Variants in THSD7B observed in about 807,000 individuals in gnomAD.
The protein encoded by THSD7B is thrombospondin type-1 domain-containing protein 7B.
A neutral mutation model predicts 213.6 loss-of-function variants in THSD7B; 138 were observed. The observed-to-expected ratio is 0.65, with a 90% CI of 0.56 to 0.74. The LOEUF (loss-of-function observed/expected upper bound fraction) is 0.74, where lower values mean the gene tolerates loss of function less well. Ranked by LOEUF, THSD7B falls within the 30% of genes least tolerant of loss-of-function variation. THSD7B has a pLI of 0.00. For missense variants in THSD7B, 1,931 were observed against 1,991.5 expected (o/e 0.97, Z 0.58); for synonymous variants, 742 against 687.0 (o/e 1.08, Z -1.25).
chr2:137,412,660 A>C (rs1686691943), intron 14 of THSD7B, among the ~76,000 whole-genome samples: 1 of 151,240 alleles, frequency 6.6e-6, no homozygotes. Flanking sequence ...AGTATACCCA[A>C]GTTAATAGAA....
At chr2:136,920,625 A>G (rs1000096010) in intron 2 of THSD7B, among the ~76,000 whole-genome samples, 5 of 152,144 alleles carry the variant, frequency 3.3e-5, no homozygotes. Flanking sequence ...CTGGCCCCCA[A>G]ACCTCAAGCC....
chr2:137,116,219 A>T (rs1395365734), intron 5 of THSD7B, among the ~76,000 whole-genome samples: 5 of 152,198 alleles, frequency 3.3e-5, no homozygotes, highest in Non-Finnish European at 5.9e-5. Context: ...ACCTGATGGG[A>T]TGGTTCTTAC....
chr2:137,252,994 A>C (rs996733233), intron 10 of THSD7B, among the ~76,000 whole-genome samples: 1 of 151,324 alleles, frequency 6.6e-6, no homozygotes, highest in Non-Finnish European at 1.5e-5. Flanking sequence ...AATATAGAAA[A>C]GGAAAATGAA....
In THSD7B at chr2:137,093,247, C is replaced by G. The variant is rs79922866; in HGVS notation, c.951-1626C>G. 4.0e-3 allele frequency among the ~76,000 whole-genome samples: 567 copies of G among 140,600 alleles called. 1 individual carries two copies. The highest frequency in any genetic ancestry group is 0.01 in the South Asian group (47 of 4,552). The allele number at this position is 140,600 out of a possible 152,430, so 92.2% of individuals were successfully genotyped here. A position where few individuals can be genotyped will look rare whatever the true frequency, so the allele number is the denominator to read the frequency against. ...CCTTCCAGAGCAGCTTTCGAAGAAC[C>G]CTTGTACCTTGTATCTACGTTCCTC... On this transcript the variant is annotated intron_variant, in intron 3 of 27. Transcript: ENST00000409968.
At chr2:137,212,476 G>T (rs1217320674) in intron 7 of THSD7B, among the ~76,000 whole-genome samples, 1 of 151,990 alleles carries the variant, frequency 6.6e-6, no homozygotes, top group East Asian at 1.9e-4. Context: ...GAAGATTTTT[G>T]TCAAACTGGG....
intron 12 of THSD7B, among the ~76,000 whole-genome samples, chr2:137,287,816 T>G (rs1683220934): frequency 6.6e-6 from 1 of 152,106 alleles, no homozygotes. Context: ...AATGCAGTCA[T>G]TTGTAAAACT....
chr2:137,170,999 A>T (rs1455711599), intron 7 of THSD7B, 61 bp downstream of exon 7: 1 of 1,521,180 alleles, frequency 6.6e-7, no homozygotes, highest in Non-Finnish European at 9.0e-7. Context: ...ATAACACATG[A>T]CCACCCTTCA....
chr2:137,301,075 T>C (rs1683589470), intron 12 of THSD7B, among the ~76,000 whole-genome samples: 1 of 152,140 alleles, frequency 6.6e-6, no homozygotes. Flanking sequence ...TTTATTGTAA[T>C]CCATAAAGCA....
chr2:136,912,766 A>G (rs1684286339), intron 2 of THSD7B, among the ~76,000 whole-genome samples: 1 of 152,172 alleles, frequency 6.6e-6, no homozygotes, highest in Admixed American at 6.5e-5. Flanking sequence ...CCATGTAAGA[A>G]GTACCTTTCA....
intron 17 of THSD7B, among the ~76,000 whole-genome samples, 166 bp downstream of exon 17, chr2:137,572,722 T>A (rs1330280498): frequency 1.3e-5 from 2 of 152,182 alleles, no homozygotes; most frequent in Non-Finnish European, 2.9e-5. Context: ...AAAAAAAGTC[T>A]GCAAGCAAGA....
At chr2:137,643,369 T>A (rs904089907) in intron 21 of THSD7B, among the ~76,000 whole-genome samples, 2 of 152,220 alleles carry the variant, frequency 1.3e-5, no homozygotes, top group African/African-American at 2.4e-5. Context: ...TTAAGAAATC[T>A]GCAGAGTATT....
rs1235744133 is a variant in THSD7B at position 137,575,742 on chromosome 2, A to ATATATATATATATATATATTTTTTTT, written c.3423+3187_3423+3188insATATATATATATATATATTTTTTTTT. 7.5e-5 allele frequency among the ~76,000 whole-genome samples: 11 copies of ATATATATATATATATATATTTTTTTT among 147,418 alleles called. No homozygotes were observed. The South Asian group carries it at 1.4e-3, about 18-fold the overall frequency. On this transcript the variant is annotated intron_variant, in intron 17 of 27. Transcript: ENST00000409968. The stretch of plus-strand genomic sequence containing the variant: ...ATAACACACATATATATATATATAT[A>ATATATATATATATATATATTTTTTTT]TTTTTACTTTAACATGCTTACTTTT...
chr2:136,773,587 C>T (rs183049750), intron 1 of THSD7B, among the ~76,000 whole-genome samples: 5 of 152,160 alleles, frequency 3.3e-5, no homozygotes, highest in African/African-American at 1.2e-4. Flanking sequence ...CGCTGTATTA[C>T]ATCTTTAAAA....
intron 12 of THSD7B, among the ~76,000 whole-genome samples, chr2:137,360,373 G>A (rs1009197039): frequency 6.6e-6 from 1 of 152,142 alleles, no homozygotes; most frequent in Admixed American, 6.5e-5. Context: ...GTCAGACAGG[G>A]TGCACCCTAC....
chr2:137,193,048 C>T (rs1455916130), intron 7 of THSD7B, among the ~76,000 whole-genome samples: 1 of 152,002 alleles, frequency 6.6e-6, no homozygotes, highest in African/African-American at 2.4e-5. Context: ...ACTGTGGAAA[C>T]AGTTCAGCAT....
At position 137,411,605 on chromosome 2, in the gene THSD7B, A is replaced by G; in HGVS notation, c.2696-4A>G. On this transcript the variant is annotated splice_region_variant and splice_polypyrimidine_tract_variant and intron_variant, in intron 13 of 27. Transcript: ENST00000409968. ...TAATATCTTAATGTCTCTTGTTGGA[A>G]CAGGGAAAAGCAGAAAGAAGGAGAA... is the stretch of plus-strand genomic sequence containing the variant. 1.2e-6 allele frequency: 2 copies of G among 1,607,958 alleles called. No individual in the cohort carries two copies. Among genetic ancestry groups the G allele is most frequent in the Non-Finnish European group, 1.7e-6 (2 of 1,175,934 alleles).
chr2:137,383,501 G>A (rs1685825213), intron 12 of THSD7B, among the ~76,000 whole-genome samples: 1 of 152,188 alleles, frequency 6.6e-6, no homozygotes. Flanking sequence ...GAAAATGGAT[G>A]TGCTGCAGTC....
chr2:137,020,516 A>G (rs1375899520), intron 2 of THSD7B, among the ~76,000 whole-genome samples: 9 of 152,168 alleles, frequency 5.9e-5, no homozygotes, highest in Non-Finnish European at 1.0e-4. Context: ...ACGCATGTAC[A>G]TAGCACAGCA....
intron 2 of THSD7B, chr2:136,906,308 A>G (rs541182838): frequency 6.6e-6 from 1 of 152,302 alleles, no homozygotes; most frequent in South Asian, 2.1e-4. Flanking sequence ...CTAAAAAGAT[A>G]AAGTATATTT....
Sources: gnomAD v4.1 joint callset for allele counts (sites outside exome capture counted in the v4.1 genomes callset) on GRCh38, gnomAD v4.1.1 for gene constraint, MANE v1.5 for transcripts, NCBI Gene and HGNC (gene_info 2026-07-23, HGNC 2026-07-21) for gene names.